The following ELF5 variants were observed in gnomAD, a reference collection of about 807,000 sequenced individuals.
The protein encoded by ELF5 is ETS-related transcription factor Elf-5.
ELF5 carries 31 observed loss-of-function variants against 38.2 expected under a neutral mutation model. The observed-to-expected ratio is 0.81, with a 90% CI of 0.61 to 1.10. The LOEUF is 1.10. ELF5 is among the 50% of genes least tolerant of loss of function. ELF5 has a pLI of 0.00. For synonymous variants in ELF5, 121 were observed against 112.5 expected, an observed-to-expected ratio of 1.08 and a Z score of -0.48; for missense variants, 300 against 306.6, an observed-to-expected ratio of 0.98 and a Z score of 0.16.
chr11:34,480,423 G>T, intron 6 of ELF5, 109 bp from the exon 7 acceptor site: 1 of 862,150 alleles, frequency 1.2e-6, no homozygotes, highest in Non-Finnish European at 1.9e-6. Context: ...CTGGTCTTTG[G>T]TTACCCTGGT....
At chr11:34,505,808 C>T (rs111890008) in intron 1 of ELF5, 55 bp from the exon 2 acceptor site, 10 of 1,589,520 alleles carry the variant, frequency 6.3e-6, no homozygotes, top group African/African-American at 2.7e-5. Context: ...CCTGAAGCCA[C>T]ACTGTGCAGG....
At chr11:34,490,148 G>T in intron 3 of ELF5, 89 bp from the exon 4 acceptor site, 2 of 1,393,976 alleles carry the variant, frequency 1.4e-6, no homozygotes, top group Non-Finnish European at 1.0e-6. Context: ...GAGGGAAGTG[G>T]AGTGACTGTC....
chr11:34,482,380 C>T, intron 5 of ELF5, 51 bp downstream of exon 5: 1 of 1,536,198 alleles, frequency 6.5e-7, no homozygotes, highest in Non-Finnish European at 9.0e-7. Context: ...ATGACTTTGT[C>T]TGAGGAATGG....
Position 34,480,129 on chromosome 11 carries a change from G to A in ELF5, c.*89C>T. The A allele has an allele frequency of 2.8e-6, 3 of 1,064,694 alleles. No individual in the cohort carries two copies. Among genetic ancestry groups the A allele is most frequent in the South Asian group, 2.9e-5 (2 of 69,524 alleles). 66.0% of individuals were successfully genotyped at this position (1,064,694 alleles called of 1,614,324 possible). A position where few individuals can be genotyped will look rare whatever the true frequency, so the allele number is the denominator to read the frequency against. On this transcript the variant is annotated 3_prime_UTR_variant, in exon 7 of 7. Transcript: ENST00000257832. The stretch of plus-strand genomic sequence containing the variant: ...CATGTTTGCAGGTTAAAAAAAAAGA[G>A]AAGAAAATGAAGCCTTTCGAATGTC...
At chr11:34,509,042 A>G (rs1850683995) in intron 1 of ELF5, among the ~76,000 whole-genome samples, 1 of 152,166 alleles carries the variant, frequency 6.6e-6, no homozygotes, top group Admixed American at 6.5e-5. Context: ...TCAAATGTGC[A>G]TGAGACGCCG....
At chr11:34,513,110 G>C (rs836144) in intron 1 of ELF5, among the ~76,000 whole-genome samples, 105,723 of 152,152 alleles carry the variant, frequency 0.69, 37,404 homozygotes, top group African/African-American at 0.82. Flanking sequence ...GTGGAAAAAC[G>C]CTAACCATTG....
At position 34,482,445 on chromosome 11, in the gene ELF5, C is replaced by T; in HGVS notation, c.461G>A (p.Ser154Asn). The change falls in exon 5 of 7, where the codon AGT becomes AAT. Residue 154 changes from serine (S) to asparagine (N), a missense_variant. Transcript: ENST00000257832. ...TSGIKSQDCH[S>N]HSRTSLQSSH... ...CCTGCACTTACTTGTTCTACTATGA[C>T]TGTGACAGTCTTGACTTTTGATGCC... The T allele has an allele frequency of 1.2e-6, 2 of 1,612,900 alleles. No homozygotes were observed. Among genetic ancestry groups the T allele is most frequent in the Non-Finnish European group, 1.7e-6 (2 of 1,179,786 alleles).
chr11:34,508,512 T>TA (rs1255054309), intron 1 of ELF5, among the ~76,000 whole-genome samples: 38 of 146,678 alleles, frequency 2.6e-4, no homozygotes, highest in East Asian at 1.2e-3. Flanking sequence ...CACAAAAAAA[T>TA]AAAAAATAAA....
chr11:34,484,522 A>T (rs1462304555), intron 4 of ELF5, among the ~76,000 whole-genome samples: 1 of 151,814 alleles, frequency 6.6e-6, no homozygotes, highest in East Asian at 1.9e-4. Flanking sequence ...ACTATACTAT[A>T]CTATATTATA....
rs940060588 is a variant in ELF5, at chr11:34,512,970, T to C, written c.-5+707A>G. ...GTGATGTCTGACACACTTTCGGGCGTACAAAAGGCATCCACACGCAGGCCC... is the reference window on the plus strand; with the variant it reads ...GTGATGTCTGACACACTTTCGGGCGCACAAAAGGCATCCACACGCAGGCCC... On this transcript the variant is annotated intron_variant, in intron 1 of 6. Transcript: ENST00000257832. Among the ~76,000 whole-genome samples, 28 of 152,166 alleles carry C rather than the reference T, an allele frequency of 1.8e-4. 1 individual carries two copies. Among genetic ancestry groups the C allele is most frequent in the African/African-American group, 6.7e-4 (28 of 41,508 alleles).
At chr11:34,487,170 G>A (rs1850019581) in intron 4 of ELF5, among the ~76,000 whole-genome samples, 1 of 152,124 alleles carries the variant, frequency 6.6e-6, no homozygotes. Context: ...GGGTCTCGGG[G>A]GAAGGCCATG....
chr11:34,485,021 C>A (rs1314456593), intron 4 of ELF5, among the ~76,000 whole-genome samples: 1 of 152,206 alleles, frequency 6.6e-6, no homozygotes, highest in African/African-American at 2.4e-5. Flanking sequence ...CTGGAAAGAT[C>A]CATCTCTTTT....
At chr11:34,506,810 G>T (rs546707434) in intron 1 of ELF5, among the ~76,000 whole-genome samples, 1 of 151,922 alleles carries the variant, frequency 6.6e-6, no homozygotes, top group Non-Finnish European at 1.5e-5. Context: ...CACAGAAACT[G>T]GCCGAAAAAA....
At chr11:34,483,565 A>G (rs889424165) in intron 4 of ELF5, among the ~76,000 whole-genome samples, 1 of 151,862 alleles carries the variant, frequency 6.6e-6, no homozygotes, top group Non-Finnish European at 1.5e-5. Flanking sequence ...ACCACACCAT[A>G]CTGTACTATA....
chr11:34,492,924 G>A (rs866738124), intron 3 of ELF5: 5 of 166,268 alleles, frequency 3.0e-5, no homozygotes, highest in East Asian at 1.6e-4. Flanking sequence ...ATTAGAGCTC[G>A]ATGTTCTCAA....
intron 4 of ELF5, among the ~76,000 whole-genome samples, chr11:34,488,336 G>A (rs188194336): frequency 1.2e-3 from 178 of 152,234 alleles, no homozygotes; most frequent in Non-Finnish European, 2.2e-3. Flanking sequence ...GAAATAAATG[G>A]GTAAGGGGAG....
Position 34,480,122 on chromosome 11 carries a change from A to G in ELF5, c.*96T>C, listed in dbSNP as rs760459677. The G allele has an allele frequency of 1.6e-4, 163 of 1,037,320 alleles. No individual in the cohort carries two copies. The highest frequency in any genetic ancestry group is 2.0e-4 in the Non-Finnish European group (142 of 696,510). The allele number at this position is 1,037,320 out of a possible 1,614,324, so 64.3% of individuals were successfully genotyped here. On this transcript the variant is annotated 3_prime_UTR_variant, in exon 7 of 7. Transcript: ENST00000257832. ...TTATCAGCATGTTTGCAGGTTAAAA[A>G]AAAAGAGAAGAAAATGAAGCCTTTC...
intron 5 of ELF5, among the ~76,000 whole-genome samples, chr11:34,481,511 C>T (rs1309015700): frequency 6.6e-6 from 1 of 152,192 alleles, no homozygotes; most frequent in Non-Finnish European, 1.5e-5. Flanking sequence ...ATTTACATGA[C>T]TGGCAACACT....
At chr11:34,509,629 G>C (rs775187051) in intron 1 of ELF5, among the ~76,000 whole-genome samples, 41 of 151,916 alleles carry the variant, frequency 2.7e-4, no homozygotes, top group African/African-American at 9.4e-4. Flanking sequence ...GGGCAGGGAG[G>C]GGGTAGGATG....
Sources: allele counts gnomAD v4.1 joint callset (sites outside exome capture counted in the v4.1 genomes callset), GRCh38; gene constraint gnomAD v4.1.1; transcripts MANE v1.5; gene names NCBI Gene and HGNC (gene_info 2026-07-23, HGNC 2026-07-21).